CPA6: variants seen among roughly 807,000 people sequenced by gnomAD.
The protein encoded by CPA6 is carboxypeptidase A6.
In CPA6, 58 loss-of-function variants were observed where a neutral mutation model predicts 63.3. That is an observed-to-expected ratio of 0.92 (90% CI 0.74 to 1.14). The LOEUF (loss-of-function observed/expected upper bound fraction) is 1.14. CPA6 is among the 50% of genes most tolerant of loss of function. CPA6 has a pLI of 0.00. For synonymous variants in CPA6, 185 were observed against 179.0 expected (o/e 1.03, Z -0.27); for missense variants, 565 against 526.6 (o/e 1.07, Z -0.71).
chr8:67,544,620 T>G (rs1812774568), intron 2 of CPA6, among the ~76,000 whole-genome samples: 1 of 152,220 alleles, frequency 6.6e-6, no homozygotes. Context: ...TTAGATGACC[T>G]TTTTCTTGAG....
At chr8:67,683,460 T>A (rs890910748) in intron 1 of CPA6, among the ~76,000 whole-genome samples, 2 of 152,166 alleles carry the variant, frequency 1.3e-5, no homozygotes, top group Non-Finnish European at 2.9e-5. Context: ...ACAGCTTGGC[T>A]TTCTTCAAAA....
chr8:67,610,695 C>T (rs1814782934), intron 2 of CPA6, among the ~76,000 whole-genome samples: 1 of 152,198 alleles, frequency 6.6e-6, no homozygotes. Context: ...ATCCAGGCTC[C>T]CTTCCTCAGC....
intron 1 of CPA6, among the ~76,000 whole-genome samples, chr8:67,631,994 A>G (rs1815344757): frequency 6.6e-6 from 1 of 152,018 alleles, no homozygotes; most frequent in South Asian, 2.1e-4. Context: ...GAACTGTAAC[A>G]CTCACCGCGA....
intron 2 of CPA6, among the ~76,000 whole-genome samples, chr8:67,593,275 T>G (rs1286230251): frequency 1.1e-4 from 17 of 151,004 alleles, no homozygotes; most frequent in Non-Finnish European, 2.1e-4. Flanking sequence ...TCTGTTCTTT[T>G]ACATTTGCTG....
chr8:67,703,922 C>A (rs996807452), intron 1 of CPA6, among the ~76,000 whole-genome samples: 7 of 149,850 alleles, frequency 4.7e-5, no homozygotes, highest in Non-Finnish European at 1.0e-4. Flanking sequence ...CACTTACATG[C>A]TGCTTTTTTT....
rs117390279 is a variant in CPA6, at chr8:67,683,069, G to A, written c.117-58818C>T. On this transcript the variant is annotated intron_variant, in intron 1 of 10. Transcript: ENST00000297770. ...CTCAGGGTGATGTCTGGGTCCACCC[G>A]GGCTTCCCCCCGGTCTGCTGCTTCC... Among the ~76,000 whole-genome samples, 320 of 152,254 alleles carry A rather than the reference G, an allele frequency of 2.1e-3. 1 individual carries two copies. The highest frequency in any genetic ancestry group is 4.1e-3 in the Non-Finnish European group (277 of 68,018).
chr8:67,517,177 CT>C (rs1313839165), intron 3 of CPA6, among the ~76,000 whole-genome samples: 2 of 152,020 alleles, frequency 1.3e-5, no homozygotes, highest in Admixed American at 6.6e-5. Flanking sequence ...TCTAGTTTGT[CT>C]ACTCAGTTAC....
At chr8:67,538,245 A>G (rs1156387528) in intron 2 of CPA6, among the ~76,000 whole-genome samples, 1 of 152,044 alleles carries the variant, frequency 6.6e-6, no homozygotes, top group Admixed American at 6.5e-5. Context: ...ATCCTTATTA[A>G]TTTTCTGTCT....
chr8:67,518,552 G>T (rs1311019408), intron 2 of CPA6, among the ~76,000 whole-genome samples: 1 of 147,626 alleles, frequency 6.8e-6, no homozygotes, highest in East Asian at 2.0e-4. Context: ...TGTCACACAG[G>T]TTGGAGGGCA....
At chr8:67,638,245 G>A (rs1815514504) in intron 1 of CPA6, among the ~76,000 whole-genome samples, 1 of 151,188 alleles carries the variant, frequency 6.6e-6, no homozygotes, top group South Asian at 2.1e-4. Flanking sequence ...GTGAAAAGAT[G>A]ACTAGAACAA....
At chr8:67,586,883 A>G (rs903875738) in intron 2 of CPA6, among the ~76,000 whole-genome samples, 36 of 152,210 alleles carry the variant, frequency 2.4e-4, no homozygotes, top group African/African-American at 8.4e-4. Context: ...GTGGGTAACC[A>G]TGTTGATTCA....
At chr8:67,658,603 C>T (rs1457595886) in intron 1 of CPA6, among the ~76,000 whole-genome samples, 1 of 152,196 alleles carries the variant, frequency 6.6e-6, no homozygotes, top group African/African-American at 2.4e-5. Context: ...CATCAAACCT[C>T]TCTTCCTAGT....
intron 1 of CPA6, among the ~76,000 whole-genome samples, chr8:67,714,451 G>A (rs1175381406): frequency 6.6e-6 from 1 of 152,218 alleles, no homozygotes; most frequent in Non-Finnish European, 1.5e-5. Flanking sequence ...AGCTTAAATT[G>A]CAATCCTAGC....
intron 6 of CPA6, among the ~76,000 whole-genome samples, chr8:67,498,593 C>T (rs1587494880): frequency 7.5e-6 from 1 of 132,970 alleles, no homozygotes; most frequent in South Asian, 2.7e-4. Flanking sequence ...TTTCTTAAAA[C>T]TCCTTTTTAA....
intron 1 of CPA6, among the ~76,000 whole-genome samples, chr8:67,734,751 A>G (rs10282758): frequency 0.04 from 6,132 of 152,238 alleles, 404 homozygotes; most frequent in African/African-American, 0.14. Context: ...ACATCATCCC[A>G]TCATCCCAAA....
At chr8:67,719,446 AAAGGGGAAAGGCAAGGGCTGCAG>A (rs1156339852) in intron 1 of CPA6, among the ~76,000 whole-genome samples, 1 of 152,134 alleles carries the variant, frequency 6.6e-6, no homozygotes, top group Non-Finnish European at 1.5e-5. Flanking sequence ...AAAAAAAATT[AAAGGGGAAAGGCAAGGGCTGCAG>A]TGGGCCAAGT....
chr8:67,509,559 A>G lies in CPA6; in HGVS notation c.492T>C (p.Ser164=), dbSNP rs755832203. The G allele has an allele frequency of 6.3e-7, 1 of 1,594,534 alleles. No individual in the cohort carries two copies. Among genetic ancestry groups the G allele is most frequent in the Non-Finnish European group, 8.6e-7 (1 of 1,166,076 alleles). ...ATCTTCCCTCATATGATCTTCCAAT[A>G]GAGAACATGTGAATGAGGCCTGAGT... The part of the protein sequence containing the change: ...KTHSGLIHMF[S]IGRSYEGRSL... The change falls in exon 5 of 11, where the codon TCT becomes TCC. Residue 164 remains serine (S), a synonymous_variant. Coordinates refer to ENST00000297770, the MANE Select transcript of CPA6 (RefSeq NM_020361.5).
intron 6 of CPA6, among the ~76,000 whole-genome samples, chr8:67,496,911 C>A (rs12115177): frequency 0.03 from 4,542 of 152,156 alleles, 226 homozygotes; most frequent in African/African-American, 0.1. Context: ...TATCCACCCC[C>A]TAATCCTATC....
Position 67,746,081 on chromosome 8 carries a change from G to C in CPA6, c.49C>G (p.Leu17Val), listed in dbSNP as rs377180135. 9 of 1,613,892 alleles carry C rather than the reference G, an allele frequency of 5.6e-6. No individual in the cohort carries two copies. The African/African-American group carries it at 1.2e-4, about 22-fold the overall frequency. Residue 17 changes from leucine (L) to valine (V), a missense_variant, in exon 1 of 11, where the codon CTT (leucine) becomes GTT (valine). Physicochemically the swap from Leu to Val is conservative, Grantham distance 32. Transcript: ENST00000297770. ...RRGQAAAFLP[L>V]CWLFLKILQP... ...AGAATCTTCAAAAAGAGCCAGCAAA[G>C]AGGCAGGAAAGCAGCTGCCTGGCCC...
Sources: gnomAD v4.1 joint callset for allele counts (sites outside exome capture counted in the v4.1 genomes callset) on GRCh38, gnomAD v4.1.1 for gene constraint, MANE v1.5 for transcripts, NCBI Gene and HGNC (gene_info 2026-07-23, HGNC 2026-07-21) for gene names.